Variants in ZNF705G observed in about 807,000 individuals in gnomAD.
The protein encoded by ZNF705G is zinc finger protein 705G, also known as putative zinc finger protein 705G.
In ZNF705G, 23 loss-of-function variants were observed where a neutral mutation model predicts 19.6. That is an observed-to-expected ratio of 1.17 (90% confidence interval 0.84 to 1.66). The LOEUF (loss-of-function observed/expected upper bound fraction) is 1.66. ZNF705G is among the 40% of genes most tolerant of loss of function. The pLI, the probability that ZNF705G is intolerant of heterozygous loss-of-function variation, is 0.00. For missense variants in ZNF705G, 457 were observed against 354.4 expected (o/e 1.29, Z -2.32); for synonymous variants, 146 against 117.7 (o/e 1.24, Z -1.56).
At position 7,360,297 on chromosome 8, in the gene ZNF705G, G is replaced by C; in HGVS notation, c.175C>G (p.Leu59Val). 6.3e-7 allele frequency: 1 copy of C among 1,590,916 alleles called. No homozygotes were observed. Among genetic ancestry groups the C allele is most frequent in the Non-Finnish European group, 8.5e-7 (1 of 1,178,960 alleles). ...QISKSYIILQLEQGKELWREG... is the reference protein window; with the variant it reads ...QISKSYIILQVEQGKELWREG... ...CTCCACAGCTCTTTTCCTTGCTCCA[G>C]CTGCAAAATTATATAGGATTTGCTT... Residue 59 changes from leucine (L) to valine (V), a missense_variant, in exon 5 of 7, where the codon CTG becomes GTG. By Grantham distance (32) the Leu-to-Val change is conservative (BLOSUM62 1). Transcript: ENST00000400156.
At chr8:7,363,833 C>G (rs1285466404) in intron 2 of ZNF705G, among the ~76,000 whole-genome samples, 1 of 149,004 alleles carries the variant, frequency 6.7e-6, no homozygotes, top group African/African-American at 2.6e-5. Flanking sequence ...AAAAAAAAAT[C>G]TGTTTTAGGA....
In ZNF705G at chr8:7,362,539, G is replaced by A. The variant is rs560864135; in HGVS notation, c.12+396C>T. 2.7e-5 allele frequency among the ~76,000 whole-genome samples: 4 copies of A among 149,474 alleles called. 1 individual carries two copies. The highest frequency in any genetic ancestry group is 5.1e-5 in the African/African-American group (2 of 38,914). On this transcript the variant is annotated intron_variant, in intron 3 of 6. Transcript: ENST00000400156. ...AATCACAATCCTAAGTCTATTTCAG[G>A]CAACAGTATAGTTAATGGGTCAATT...
intron 2 of ZNF705G, among the ~76,000 whole-genome samples, chr8:7,374,243 G>T (rs187809050): frequency 2.8e-4 from 23 of 81,242 alleles, no homozygotes; most frequent in African/African-American, 1.3e-3. Flanking sequence ...TATCCTTGTG[G>T]CATTACTGAA....
intron 1 of ZNF705G, among the ~76,000 whole-genome samples, chr8:7,384,000 A>G (rs562458945): frequency 7.2e-6 from 1 of 139,814 alleles, no homozygotes; most frequent in South Asian, 2.3e-4. Context: ...GTCACCCTAC[A>G]TTAATAATCA....
intron 2 of ZNF705G, among the ~76,000 whole-genome samples, chr8:7,367,499 G>A (rs1247783882): frequency 6.7e-6 from 1 of 149,512 alleles, no homozygotes; most frequent in African/African-American, 2.6e-5. Context: ...GAAAGCTTCA[G>A]ATGGACATGC....
At chr8:7,359,530 T>C in intron 6 of ZNF705G, 89 bp downstream of exon 6, 1 of 1,575,808 alleles carries the variant, frequency 6.3e-7, no homozygotes. Context: ...CCAGCTTAAT[T>C]ACACTCAGGT....
rs1807638565 is a variant in ZNF705G, at chr8:7,384,367, A to T, written c.-222+1131T>A. Among the ~76,000 whole-genome samples, 4 of 145,764 alleles carry T rather than the reference A, an allele frequency of 2.7e-5. 1 individual carries two copies. The highest frequency in any genetic ancestry group is 4.2e-4 in the South Asian group (2 of 4,746). On this transcript the variant is annotated intron_variant, in intron 1 of 6. Transcript: ENST00000400156. ...CACACAGAGTTGTGTTTTAACTAGG[A>T]TCACCACAAGAGTTTCAACCCCATC...
chr8:7,359,488 A>AC (rs1806467902), intron 6 of ZNF705G, 131 bp downstream of exon 6: 1 of 1,334,184 alleles, frequency 7.5e-7, no homozygotes. Context: ...AAAGTATCCA[A>AC]TTTTTTTTTT....
intron 6 of ZNF705G, among the ~76,000 whole-genome samples, 174 bp from the exon 7 acceptor site, chr8:7,358,734 A>C (rs1161388071): frequency 6.7e-6 from 1 of 149,434 alleles, no homozygotes; most frequent in Non-Finnish European, 1.5e-5. Flanking sequence ...CATTTAACCA[A>C]AGGGAAAAAT....
At chr8:7,367,789 C>G (rs1455654130) in intron 2 of ZNF705G, among the ~76,000 whole-genome samples, 3 of 149,738 alleles carry the variant, frequency 2.0e-5, no homozygotes, top group Non-Finnish European at 4.4e-5. Flanking sequence ...CACTGTATGC[C>G]CTTCGGTCGA....
chr8:7,364,038 A>G (rs557753598), intron 2 of ZNF705G, among the ~76,000 whole-genome samples: 2 of 149,658 alleles, frequency 1.3e-5, no homozygotes, highest in East Asian at 3.9e-4. Flanking sequence ...GGAGAAATTT[A>G]GCAGCTCAAT....
chr8:7,369,174 C>A (rs1257908186), intron 2 of ZNF705G, among the ~76,000 whole-genome samples: 1 of 149,438 alleles, frequency 6.7e-6, no homozygotes, highest in Non-Finnish European at 1.5e-5. Context: ...GTTATCGCCA[C>A]TGGGTCACCC....
chr8:7,358,581 G>T (rs1486819154), intron 6 of ZNF705G, 21 bp from the exon 7 acceptor site: 5 of 1,606,636 alleles, frequency 3.1e-6, no homozygotes, highest in Admixed American at 1.7e-5. Context: ...AATATTAAAA[G>T]CTCTTAATGG....
intron 4 of ZNF705G, 52 bp from the exon 5 acceptor site, chr8:7,360,384 A>T (rs2128835992): frequency 6.3e-7 from 1 of 1,584,156 alleles, no homozygotes; most frequent in Non-Finnish European, 8.5e-7. Flanking sequence ...ATAAATGTGC[A>T]TTATCACCAA....
chr8:7,380,602 T>C (rs1807445453), intron 2 of ZNF705G, among the ~76,000 whole-genome samples: 1 of 146,814 alleles, frequency 6.8e-6, no homozygotes, highest in Admixed American at 6.6e-5. Flanking sequence ...CCATGACTGT[T>C]GGTGTCTGCA....
intron 2 of ZNF705G, among the ~76,000 whole-genome samples, chr8:7,369,413 C>T (rs1027083289): frequency 6.7e-6 from 1 of 149,356 alleles, no homozygotes; most frequent in African/African-American, 2.6e-5. Flanking sequence ...GGGGCACTGC[C>T]TAGTGGAGCT....
rs1167551381 is a variant in ZNF705G, at chr8:7,366,933, G to T, written c.-71-3916C>A. Reference sequence around the variant, plus strand: ...AATTTCTAGATTGGCCACGACTTTGGCTATTACTACTAAGGATATGCCATT... The same window carrying T: ...AATTTCTAGATTGGCCACGACTTTGTCTATTACTACTAAGGATATGCCATT... On this transcript the variant is annotated intron_variant, in intron 2 of 6. Transcript: ENST00000400156. Among the ~76,000 whole-genome samples, 4 of 149,596 alleles carry T rather than the reference G, an allele frequency of 2.7e-5. 1 individual carries two copies. Among genetic ancestry groups the T allele is most frequent in the African/African-American group, 7.7e-5 (3 of 38,980 alleles).
intron 3 of ZNF705G, 136 bp downstream of exon 3, chr8:7,362,799 C>T (rs1806666295): frequency 6.4e-7 from 1 of 1,574,768 alleles, no homozygotes; most frequent in East Asian, 2.2e-5. Flanking sequence ...AACACCCAGG[C>T]AGGGTGGATT....
chr8:7,356,156 G>C lies in ZNF705G; in HGVS notation c.*1820C>G, dbSNP rs1162271923. 1 of 149,482 alleles carries C rather than the reference G, an allele frequency of 6.7e-6. No individual in the cohort carries two copies. The highest frequency in any genetic ancestry group is 2.1e-4 in the South Asian group (1 of 4,754). The allele number at this position is 149,482 out of a possible 1,614,324, so 9.3% of individuals were successfully genotyped here. A position where few individuals can be genotyped will look rare whatever the true frequency, so the allele number is the denominator to read the frequency against. On this transcript the variant is annotated 3_prime_UTR_variant, in exon 7 of 7. Coordinates refer to ENST00000400156, the MANE Select transcript of ZNF705G (RefSeq NM_001164457.3). ...GGACAAGGCAGAGGAGGGCCCCTCTGTGAGAACTTTCATTTTGCTTCAGGA... is the reference window on the plus strand; with the variant it reads ...GGACAAGGCAGAGGAGGGCCCCTCTCTGAGAACTTTCATTTTGCTTCAGGA...
Sources: gnomAD v4.1 joint callset for allele counts (sites outside exome capture counted in the v4.1 genomes callset) on GRCh38, gnomAD v4.1.1 for gene constraint, MANE v1.5 for transcripts, NCBI Gene and HGNC (gene_info 2026-07-23, HGNC 2026-07-21) for gene names.